The following CHN2 variants were observed in gnomAD, a reference collection of about 807,000 sequenced individuals.
CHN2 encodes the protein beta-chimaerin.
A neutral mutation model predicts 56.3 loss-of-function variants in CHN2; 35 were observed. That is an observed-to-expected ratio of 0.62 (90% CI 0.47 to 0.82). CHN2 has a LOEUF of 0.82. Ranked by LOEUF, CHN2 falls within the 40% of genes least tolerant of loss-of-function variation. The probability of loss-of-function intolerance (pLI) is 0.00; values close to 1 mark genes in which losing one functional copy is unlikely to be tolerated. For synonymous variants in CHN2, 210 were observed against 212.8 expected (o/e 0.99, Z 0.12); for missense variants, 491 against 580.5 (o/e 0.85, Z 1.58).
rs553131847 is a variant in CHN2, at chr7:29,168,918, C to T, written c.274+21958C>T. Among the ~76,000 whole-genome samples the T allele has an allele frequency of 2.4e-3, 365 of 152,152 alleles. 1 individual carries two copies. Among genetic ancestry groups the T allele is most frequent in the African/African-American group, 8.4e-3 (348 of 41,530 alleles). On this transcript the variant is annotated intron_variant, in intron 2 of 6. Coordinates refer to the CHN2 transcript ENST00000439384. ...CTAAGAGGTATGAACTATTTCTATT[C>T]GCCATGTTTTAAGTAATACCCAGCC...
intron 6 of CHN2, among the ~76,000 whole-genome samples, chr7:29,470,435 G>A (rs963800541): frequency 6.6e-6 from 1 of 152,224 alleles, no homozygotes; most frequent in Non-Finnish European, 1.5e-5. Context: ...ATTGTTCACT[G>A]TAAAAAGCAC....
Position 29,209,380 on chromosome 7 carries a change from G to T in CHN2, c.49+14390G>T, listed in dbSNP as rs368750720. On this transcript the variant is annotated intron_variant, in intron 1 of 12. Transcript: ENST00000222792. ...GTCTTAGTTGAGAGCCAAGCAATTAGTGCAACTATTCACTTAGTAATAATA... is the reference window on the plus strand; with the variant it reads ...GTCTTAGTTGAGAGCCAAGCAATTATTGCAACTATTCACTTAGTAATAATA... 8.5e-5 allele frequency among the ~76,000 whole-genome samples: 13 copies of T among 152,248 alleles called. No individual in the cohort carries two copies. In the South Asian group the frequency reaches 1.5e-3, roughly 17 times the overall value.
chr7:29,289,882 G>A (rs1792455563), intron 1 of CHN2, among the ~76,000 whole-genome samples: 2 of 152,176 alleles, frequency 1.3e-5, no homozygotes, highest in African/African-American at 4.8e-5. Context: ...TTAGTTATCA[G>A]GACAAGCCTA....
intron 1 of CHN2, among the ~76,000 whole-genome samples, chr7:29,280,383 C>CATAA (rs367917595): frequency 0.013 from 1,977 of 150,362 alleles, 21 homozygotes; most frequent in South Asian, 0.065. Flanking sequence ...GGCTCCGTCT[C>CATAA]ATAAATAAAT....
At chr7:29,323,713 T>A (rs1490166989) in intron 1 of CHN2, among the ~76,000 whole-genome samples, 1 of 151,776 alleles carries the variant, frequency 6.6e-6, no homozygotes, top group Non-Finnish European at 1.5e-5. Flanking sequence ...TATAGGGGGT[T>A]GAGGCTGGGC....
intron 7 of CHN2, among the ~76,000 whole-genome samples, chr7:29,486,615 G>A (rs1204451372): frequency 3.3e-5 from 5 of 152,234 alleles, no homozygotes; most frequent in Middle Eastern, 3.4e-3. Context: ...CCATCAGGAC[G>A]TAGGGGAAAT....
intron 1 of CHN2, among the ~76,000 whole-genome samples, chr7:29,346,376 C>A (rs1211017372): frequency 6.6e-6 from 1 of 152,216 alleles, no homozygotes; most frequent in Non-Finnish European, 1.5e-5. Context: ...GCCCATTAAG[C>A]TAATCACCCA....
chr7:29,494,950 TAAAA>T (rs5883217), intron 7 of CHN2, among the ~76,000 whole-genome samples: 176 of 64,652 alleles, frequency 2.7e-3, no homozygotes, highest in African/African-American at 7.3e-3. Context: ...AAGCAGTTTG[TAAAA>T]AAAAAAAAAA....
intron 11 of CHN2, among the ~76,000 whole-genome samples, chr7:29,507,922 A>G (rs1220722861): frequency 6.6e-6 from 1 of 152,192 alleles, no homozygotes; most frequent in Non-Finnish European, 1.5e-5. Flanking sequence ...TGCGGGTTAG[A>G]CAAGCTTGGT....
rs181124753 is a variant in CHN2 at position 29,457,143 on chromosome 7, C to T, written c.577-23136C>T. ...GCCTGCAGCTCGGGAACGTGAGGCC[C>T]CCAACAAAGTGACCACAACCAGTGC... On this transcript the variant is annotated intron_variant, in intron 6 of 12. Coordinates refer to ENST00000222792, the MANE Select transcript of CHN2 (RefSeq NM_004067.4). Among the ~76,000 whole-genome samples the T allele has an allele frequency of 5.8e-3, 882 of 152,234 alleles. 4 individuals are homozygous for T. The highest frequency in any genetic ancestry group is 0.031 in the Middle Eastern group (9 of 294).
intron 1 of CHN2, among the ~76,000 whole-genome samples, chr7:29,245,292 A>G (rs1787982799): frequency 6.6e-6 from 1 of 152,216 alleles, no homozygotes; most frequent in South Asian, 2.1e-4. Context: ...GACTCTCTTC[A>G]ATGTCTAATC....
intron 6 of CHN2, among the ~76,000 whole-genome samples, chr7:29,436,166 C>T (rs1783211029): frequency 6.6e-6 from 1 of 152,018 alleles, no homozygotes; most frequent in Non-Finnish European, 1.5e-5. Context: ...CTGGGGATCT[C>T]CTGAAAGGGC....
At chr7:29,326,034 C>G (rs1376001580) in intron 1 of CHN2, among the ~76,000 whole-genome samples, 1 of 152,234 alleles carries the variant, frequency 6.6e-6, no homozygotes, top group East Asian at 1.9e-4. Context: ...GATACTTTCT[C>G]CTAATCTTAT....
intron 1 of CHN2, among the ~76,000 whole-genome samples, chr7:29,332,016 G>GAAAAAAA (rs35099980): frequency 1.5e-5 from 2 of 137,218 alleles, no homozygotes. Context: ...TGTCTCAAAA[G>GAAAAAAA]AAAAAAAAAA....
chr7:29,184,802 C>T (rs545111299), intron 2 of CHN2, among the ~76,000 whole-genome samples: 11 of 152,282 alleles, frequency 7.2e-5, no homozygotes, highest in East Asian at 3.9e-4. Context: ...ATCAAGTTGA[C>T]GCATAAAATT....
At chr7:29,471,169 C>T (rs760994262) in intron 6 of CHN2, among the ~76,000 whole-genome samples, 4 of 152,058 alleles carry the variant, frequency 2.6e-5, no homozygotes, top group East Asian at 1.9e-4. Context: ...TTTTAAAGTT[C>T]GTATTTAAGG....
intron 1 of CHN2, among the ~76,000 whole-genome samples, chr7:29,264,162 G>GC (rs1360622241): frequency 2.1e-5 from 3 of 140,052 alleles, no homozygotes; most frequent in South Asian, 2.3e-4. Context: ...GAGGTGGGGG[G>GC]CCCCCTCTGC....
rs1189102985 is a variant in CHN2 at position 29,194,950 on chromosome 7, G to A, written c.9G>A (p.Ala3=). Reference sequence around the variant, plus strand: ...GCGAGGGGCGCGCGGAGATGGCAGCGTCCAGCAACTCCAGCCTGTCCGGCT... The same window carrying A: ...GCGAGGGGCGCGCGGAGATGGCAGCATCCAGCAACTCCAGCCTGTCCGGCT... MA[A]SSNSSLSGSS... is the part of the protein sequence containing the mutation. Residue 3 remains alanine, a synonymous_variant, in exon 1 of 13, where the codon GCG becomes GCA. Transcript: ENST00000222792. 6.3e-7 allele frequency: 1 copy of A among 1,575,008 alleles called. No individual in the cohort carries two copies. Among genetic ancestry groups the A allele is most frequent in the Non-Finnish European group, 8.6e-7 (1 of 1,164,002 alleles).
At chr7:29,394,722 G>C (rs994558454) in intron 4 of CHN2, among the ~76,000 whole-genome samples, 1 of 152,068 alleles carries the variant, frequency 6.6e-6, no homozygotes, top group African/African-American at 2.4e-5. Context: ...ATGCTTATTT[G>C]TTTTTTCCTT....
Sources: allele counts gnomAD v4.1 joint callset (sites outside exome capture counted in the v4.1 genomes callset), GRCh38; gene constraint gnomAD v4.1.1; transcripts MANE v1.5; gene names NCBI Gene and HGNC (gene_info 2026-07-23, HGNC 2026-07-21).